IMMP2L: variants seen among roughly 807,000 people sequenced by gnomAD.
The protein encoded by IMMP2L is inner mitochondrial membrane peptidase subunit 2, also known as mitochondrial inner membrane protease subunit 2.
Under a neutral mutation model 19.3 loss-of-function variants are expected in IMMP2L, and 18 were observed. The ratio of observed to expected loss-of-function variants is 0.93; its 90% CI spans 0.64 to 1.38. The LOEUF is 1.38. Ranked by LOEUF, IMMP2L falls within the 40% of genes most tolerant of loss-of-function variation. The probability of loss-of-function intolerance (pLI) is 0.00; values close to 1 mark genes in which losing one functional copy is unlikely to be tolerated. For synonymous variants in IMMP2L, 76 were observed against 73.0 expected (o/e 1.04, Z -0.21); for missense variants, 233 against 218.2 (o/e 1.07, Z -0.43).
chr7:111,116,040 A>G (rs944341502), intron 3 of IMMP2L, among the ~76,000 whole-genome samples: 2 of 152,198 alleles, frequency 1.3e-5, no homozygotes, highest in Non-Finnish European at 2.9e-5. Flanking sequence ...AAACAAGAGA[A>G]GAAAAAAGAT....
At chr7:110,989,711 T>C (rs1215459617) in intron 3 of IMMP2L, among the ~76,000 whole-genome samples, 1 of 151,106 alleles carries the variant, frequency 6.6e-6, no homozygotes, top group African/African-American at 2.4e-5. Flanking sequence ...ATGACAAAAT[T>C]TTAAAGCTGT....
At chr7:111,441,205 C>T (rs1837678018) in intron 3 of IMMP2L, among the ~76,000 whole-genome samples, 1 of 151,894 alleles carries the variant, frequency 6.6e-6, no homozygotes, top group Non-Finnish European at 1.5e-5. Context: ...TTTTGCTTTG[C>T]ATTCACAACC....
At chr7:110,872,401 G>A (rs1457872432) in intron 5 of IMMP2L, among the ~76,000 whole-genome samples, 1 of 152,032 alleles carries the variant, frequency 6.6e-6, no homozygotes, top group Non-Finnish European at 1.5e-5. Context: ...TCATGATATT[G>A]TACCTCTGTC....
chr7:111,186,272 A>G (rs905530399), intron 3 of IMMP2L, among the ~76,000 whole-genome samples: 8 of 152,138 alleles, frequency 5.3e-5, no homozygotes, highest in African/African-American at 1.7e-4. Flanking sequence ...ACCAATGTAT[A>G]TGCTGCGGGC....
chr7:111,359,898 T>C (rs1281377283), intron 3 of IMMP2L, among the ~76,000 whole-genome samples: 1 of 152,014 alleles, frequency 6.6e-6, no homozygotes, highest in Non-Finnish European at 1.5e-5. Context: ...TGGTTAAGGA[T>C]CTTGATTTTT....
rs140958265 is a variant in IMMP2L, at chr7:111,141,202, A to T, written c.240-177637T>A. On this transcript the variant is annotated intron_variant, in intron 3 of 5. Coordinates refer to ENST00000405709, the MANE Select transcript of IMMP2L (RefSeq NM_032549.4). Reference sequence around the variant, plus strand: ...ATTTTTTTTTTCTGGTGTTACCACCAAATTCCATACTTATAATACTAATGT... The same window carrying T: ...ATTTTTTTTTTCTGGTGTTACCACCTAATTCCATACTTATAATACTAATGT... Among the ~76,000 whole-genome samples the T allele has an allele frequency of 4.5e-3, 685 of 152,282 alleles. 4 individuals carry two copies. Among genetic ancestry groups the T allele is most frequent in the African/African-American group, 0.014 (586 of 41,556 alleles).
At chr7:110,740,748 TA>T (rs752881088) in intron 5 of IMMP2L, among the ~76,000 whole-genome samples, 3 of 150,450 alleles carry the variant, frequency 2.0e-5, no homozygotes, top group Non-Finnish European at 4.4e-5. Context: ...ATTTTAAAAA[TA>T]AAAAAAAATA....
chr7:111,332,038 A>G (rs901664085), intron 3 of IMMP2L, among the ~76,000 whole-genome samples: 1 of 151,948 alleles, frequency 6.6e-6, no homozygotes, highest in Non-Finnish European at 1.5e-5. Flanking sequence ...TGTTTTCTCA[A>G]AGTAGAAATA....
At chr7:111,542,828 A>C (rs1454074985) in intron 1 of IMMP2L, among the ~76,000 whole-genome samples, 1 of 152,168 alleles carries the variant, frequency 6.6e-6, no homozygotes, top group African/African-American at 2.4e-5. Context: ...GTTGTCTTTA[A>C]ACTTCACAAT....
At chr7:111,074,626 C>T (rs1370757854) in intron 3 of IMMP2L, among the ~76,000 whole-genome samples, 1 of 152,180 alleles carries the variant, frequency 6.6e-6, no homozygotes, top group Middle Eastern at 3.2e-3. Context: ...TTCATCTACA[C>T]AGACACAGCT....
chr7:111,273,419 G>C (rs1477613692), intron 3 of IMMP2L, among the ~76,000 whole-genome samples: 1 of 152,068 alleles, frequency 6.6e-6, no homozygotes, highest in Non-Finnish European at 1.5e-5. Context: ...ATAATAAGGA[G>C]GTTACCATGA....
At chr7:111,505,065 C>G (rs946120552) in intron 2 of IMMP2L, among the ~76,000 whole-genome samples, 3 of 151,474 alleles carry the variant, frequency 2.0e-5, no homozygotes, top group Non-Finnish European at 2.9e-5. Flanking sequence ...ATTTTCGCAA[C>G]CTACTCATCT....
chr7:111,358,862 G>C (rs1455161044), intron 3 of IMMP2L, among the ~76,000 whole-genome samples: 1 of 152,058 alleles, frequency 6.6e-6, no homozygotes, highest in Admixed American at 6.6e-5. Context: ...GGAAGGAGAA[G>C]GTGCTGTGAT....
intron 3 of IMMP2L, among the ~76,000 whole-genome samples, chr7:111,341,118 C>T (rs1229854751): frequency 6.6e-6 from 1 of 152,048 alleles, no homozygotes; most frequent in African/African-American, 2.4e-5. Flanking sequence ...TTACATTCTG[C>T]AGCAATGAAT....
intron 3 of IMMP2L, among the ~76,000 whole-genome samples, chr7:111,112,679 C>T (rs920995928): frequency 6.6e-6 from 1 of 152,152 alleles, no homozygotes; most frequent in Non-Finnish European, 1.5e-5. Context: ...AGGAAACAAA[C>T]CACAGAGCAT....
chr7:110,939,438 C>A (rs4730468), intron 4 of IMMP2L, among the ~76,000 whole-genome samples: 1 of 148,624 alleles, frequency 6.7e-6, no homozygotes, highest in African/African-American at 2.5e-5. Context: ...AGCGAGTACA[C>A]AGGGAATAAA....
intron 3 of IMMP2L, among the ~76,000 whole-genome samples, chr7:111,336,841 T>C (rs1420468857): frequency 6.6e-6 from 1 of 151,632 alleles, no homozygotes; most frequent in Non-Finnish European, 1.5e-5. Flanking sequence ...AAGTAGACTT[T>C]TTTTTTTTTT....
chr7:111,287,543 C>T (rs1179104357), intron 3 of IMMP2L, among the ~76,000 whole-genome samples: 2 of 131,540 alleles, frequency 1.5e-5, no homozygotes, highest in South Asian at 3.3e-4. Context: ...ATCAAGAATC[C>T]ACACCAAAAA....
intron 2 of IMMP2L, among the ~76,000 whole-genome samples, chr7:111,494,443 TTC>T (rs1237147633): frequency 1.3e-5 from 2 of 152,182 alleles, no homozygotes; most frequent in African/African-American, 4.8e-5. Flanking sequence ...AAGGTAAATA[TTC>T]TCTGTCTGTC....
Sources: gnomAD v4.1 joint callset for allele counts (sites outside exome capture counted in the v4.1 genomes callset) on GRCh38, gnomAD v4.1.1 for gene constraint, MANE v1.5 for transcripts, NCBI Gene and HGNC (gene_info 2026-07-23, HGNC 2026-07-21) for gene names.